Variants in RBP3 observed in about 807,000 individuals in gnomAD.
The protein encoded by RBP3 is retinol binding protein 3.
A neutral mutation model predicts 64.8 loss-of-function variants in RBP3; 50 were observed. That is an observed-to-expected ratio of 0.77 (90% CI 0.61 to 0.98). The LOEUF (loss-of-function observed/expected upper bound fraction) is 0.98. RBP3 is among the 50% of genes least tolerant of loss of function. RBP3 has a pLI of 0.00. For missense variants in RBP3, 1,712 were observed against 1,660.5 expected (o/e 1.03, Z -0.54); for synonymous variants, 828 against 730.2 (o/e 1.13, Z -2.16).
At position 47,349,231 on chromosome 10, in the gene RBP3, G is replaced by A. The variant is rs781856173; in HGVS notation, c.747G>A (p.Met249Ile). The A allele has an allele frequency of 6.2e-7, 1 of 1,613,462 alleles. No homozygotes were observed. ...AEDIAHILKQ[M>I]RRAIVVGERT... ...ACATCGCGCACATCCTTAAGCAGATGCGCAGGGCCATCGTGGTGGGCGAGC... is the reference window on the plus strand; with the variant it reads ...ACATCGCGCACATCCTTAAGCAGATACGCAGGGCCATCGTGGTGGGCGAGC... Residue 249 changes from methionine to isoleucine, a missense_variant, in exon 1 of 4, where the codon ATG becomes ATA. Transcript: ENST00000584701.
chr10:47,349,495 G>A lies in RBP3; in HGVS notation c.1011G>A (p.Leu337=), dbSNP rs1555211107. The A allele has an allele frequency of 1.2e-6, 2 of 1,612,850 alleles. No individual in the cohort carries two copies. The highest frequency in any genetic ancestry group is 3.3e-5 in the Admixed American group (2 of 60,012). The stretch of plus-strand genomic sequence containing the variant: ...TAGTCCACTGCCTCCAGGAGGTCCT[G>A]AAGGACTACTACACGCTGGTGGACC... ...PGVVHCLQEV[L]KDYYTLVDRV... Residue 337 remains leucine, a synonymous_variant, in exon 1 of 4, where the codon CTG becomes CTA. Coordinates refer to ENST00000584701, the MANE Select transcript of RBP3 (RefSeq NM_002900.3).
At chr10:47,356,484 T>G (rs1448310982) in intron 3 of RBP3, among the ~76,000 whole-genome samples, 1 of 152,218 alleles carries the variant, frequency 6.6e-6, no homozygotes, top group Non-Finnish European at 1.5e-5. Flanking sequence ...AAGTGTAATG[T>G]GCATACCAGA....
Position 47,351,189 on chromosome 10 carries a change from C to T in RBP3, c.2705C>T (p.Thr902Ile). The change falls in exon 1 of 4, where the codon ACC becomes ATC. Residue 902 changes from threonine (T) to isoleucine (I), a missense_variant. Physicochemically the swap from Thr to Ile is moderately conservative, Grantham distance 89 (BLOSUM62 -1). Transcript: ENST00000584701. ...CCCACCCAGATGGCCATGAGTGCCA[C>T]CACAGGCAAGGCCTGGGACCTGGCT... The part of the protein sequence containing the change: ...SMPTQMAMSA[T>I]TGKAWDLAGV... 1 of 1,613,240 alleles carries T rather than the reference C, an allele frequency of 6.2e-7. No homozygotes were observed. Among genetic ancestry groups the T allele is most frequent in the Non-Finnish European group, 8.5e-7 (1 of 1,180,036 alleles).
In RBP3 at chr10:47,349,300, C is replaced by G. The variant is rs148432607; in HGVS notation, c.816C>G (p.Gly272=). The G allele has an allele frequency of 1.6e-5, 25 of 1,612,854 alleles. 1 individual carries two copies. The highest frequency in any genetic ancestry group is 1.8e-5 in the Non-Finnish European group (21 of 1,179,974). ...GALDLRKLRI[G]ESDFFFTVPV... is the part of the protein sequence containing the mutation. ...TGGACCTCCGGAAGCTGAGGATAGG[C>G]GAGTCTGACTTCTTCTTCACGGTGC... The change falls in exon 1 of 4, where the codon GGC becomes GGG. Residue 272 remains glycine, a synonymous_variant. Coordinates refer to ENST00000584701, the MANE Select transcript of RBP3 (RefSeq NM_002900.3).
chr10:47,351,179 A>G lies in RBP3; in HGVS notation c.2695A>G (p.Met899Val). 2 of 1,613,212 alleles carry G rather than the reference A, an allele frequency of 1.2e-6. No individual in the cohort carries two copies. Among genetic ancestry groups the G allele is most frequent in the South Asian group, 1.1e-5 (1 of 91,080 alleles). Residue 899 changes from methionine to valine, a missense_variant, in exon 1 of 4, where the codon ATG becomes GTG. Transcript: ENST00000584701. Reference sequence around the variant, plus strand: ...TGCATCCATGCCCACCCAGATGGCCATGAGTGCCACCACAGGCAAGGCCTG... The same window carrying G: ...TGCATCCATGCCCACCCAGATGGCCGTGAGTGCCACCACAGGCAAGGCCTG... ...LYASMPTQMA[M>V]SATTGKAWDL...
Position 47,351,453 on chromosome 10 carries a change from AGAT to A in RBP3, c.2971_2973del (p.Met991del), listed in dbSNP as rs1565767178. On this transcript the variant is annotated inframe_deletion, in exon 1 of 4. Transcript: ENST00000584701. ...GCCGAGATCCTGGGGGCTGACCTGC[AGAT>A]GCTCTCCGGAGACCCACACCTGAAG... 2.5e-6 allele frequency: 4 copies of A among 1,613,724 alleles called. No individual in the cohort carries two copies. In the East Asian group the frequency reaches 8.9e-5, roughly 36 times the overall value.
At position 47,350,865 on chromosome 10, in the gene RBP3, C is replaced by T. The variant is rs782530735; in HGVS notation, c.2381C>T (p.Pro794Leu). The T allele has an allele frequency of 9.3e-6, 15 of 1,612,832 alleles. No individual in the cohort carries two copies. Among genetic ancestry groups the T allele is most frequent in the South Asian group, 5.5e-5 (5 of 91,044 alleles). Residue 794 changes from proline to leucine, a missense_variant, in exon 1 of 4, where the codon CCG (proline) becomes CTG (leucine). By Grantham distance (98) the Pro-to-Leu change is moderately conservative (BLOSUM62 -3). Transcript: ENST00000584701. ...YNPGSYSTAIPLLCSYFFEAE... is the reference protein window; with the variant it reads ...YNPGSYSTAILLLCSYFFEAE... ...CCTGGCAGCTACTCCACGGCCATCC[C>T]GCTGCTCTGCTCCTACTTCTTTGAG...
At chr10:47,352,002 G>T (rs1217452928) in intron 1 of RBP3, among the ~76,000 whole-genome samples, 4 of 151,910 alleles carry the variant, frequency 2.6e-5, no homozygotes, top group African/African-American at 9.7e-5. Context: ...CCCCACGCTG[G>T]CCGAGAGCTC....
rs545131365 is a variant in RBP3 at position 47,350,452 on chromosome 10, C to G, written c.1968C>G (p.Val656=). ...LLEAHYARPE[V]VGQTSALLRA... ...AGGCCCACTATGCTCGGCCAGAGGTCGTGGGGCAGACCAGTGCCCTCCTGC... is the reference window on the plus strand; with the variant it reads ...AGGCCCACTATGCTCGGCCAGAGGTGGTGGGGCAGACCAGTGCCCTCCTGC... The change falls in exon 1 of 4, where the codon GTC becomes GTG. Residue 656 remains valine, a synonymous_variant. Transcript: ENST00000584701. The G allele has an allele frequency of 6.2e-7, 1 of 1,612,324 alleles. No individual in the cohort carries two copies. Among genetic ancestry groups the G allele is most frequent in the East Asian group, 2.2e-5 (1 of 44,862 alleles).
rs199953057 is a variant in RBP3, at chr10:47,350,724, G to A, written c.2240G>A (p.Arg747His). ...CTGCCCGGCCAGCTGGGCTACCTGC[G>A]TTTTGACGCCATGGCTGAACTGGAG... is the stretch of plus-strand genomic sequence containing the variant. Reference protein sequence around the residue: ...EVLPGQLGYLRFDAMAELETV... With the variant: ...EVLPGQLGYLHFDAMAELETV... The change falls in exon 1 of 4, where the codon CGT (arginine) becomes CAT (histidine). Residue 747 changes from arginine (R) to histidine (H), a missense_variant. Coordinates refer to ENST00000584701, the MANE Select transcript of RBP3 (RefSeq NM_002900.3). 1.1e-4 allele frequency: 181 copies of A among 1,613,214 alleles called. 5 individuals carry two copies. The South Asian group carries it at 1.5e-3, about 14-fold the overall frequency.
At chr10:47,353,663 C>A (rs1014830153) in intron 2 of RBP3, 148 bp downstream of exon 2, 3 of 908,670 alleles carry the variant, frequency 3.3e-6, no homozygotes, top group Non-Finnish European at 5.1e-6. Flanking sequence ...ATCAGGGCTT[C>A]GGCCAGCTAG....
chr10:47,351,386 C>G lies in RBP3; in HGVS notation c.2902C>G (p.Leu968Val). 1.2e-6 allele frequency: 2 copies of G among 1,613,578 alleles called. No individual in the cohort carries two copies. Among genetic ancestry groups the G allele is most frequent in the Non-Finnish European group, 1.7e-6 (2 of 1,180,036 alleles). ...GAKMATKLSG[L>V]QSRYSRVTSE... ...CAAGATGGCCACCAAACTGAGCGGT[C>G]TGCAGAGCCGCTACTCCAGGGTGAC... Residue 968 changes from leucine (L) to valine (V), a missense_variant, in exon 1 of 4, where the codon CTG becomes GTG. Physicochemically the swap from Leu to Val is conservative, Grantham distance 32. Transcript: ENST00000584701.
Position 47,348,850 on chromosome 10 carries a change from C to T in RBP3, c.366C>T (p.Arg122=), listed in dbSNP as rs2132252433. The change falls in exon 1 of 4, where the codon CGC becomes CGT. Residue 122 remains arginine (R), a synonymous_variant. Coordinates refer to ENST00000584701, the MANE Select transcript of RBP3 (RefSeq NM_002900.3). ...TTGCCTGGCTGCAAAGGGGCCTCCG[C>T]CATGAGGTTCTGGAGGGTAATGTGG... ...ELLAWLQRGL[R]HEVLEGNVGY... is the part of the protein sequence containing the mutation. 6.2e-7 allele frequency: 1 copy of T among 1,613,884 alleles called. No homozygotes were observed. The highest frequency in any genetic ancestry group is 8.5e-7 in the Non-Finnish European group (1 of 1,180,030).
Position 47,350,995 on chromosome 10 carries a change from CAA to C in RBP3, c.2512_2513del (p.Lys838GlyfsTer112). 1 of 1,611,374 alleles carries C rather than the reference CAA, an allele frequency of 6.2e-7. No individual in the cohort carries two copies. Among genetic ancestry groups the C allele is most frequent in the Non-Finnish European group, 8.5e-7 (1 of 1,179,936 alleles). ...TCGCCGGCCAGCGCTACGGCTCACA[CAA>C]GGACCTCTACATCCTGATGAGCCAC... is the stretch of plus-strand genomic sequence containing the variant. ...QVAGQRYGSHKDLYILMSHTS... is the reference protein window; with the variant it reads ...QVAGQRYGSHXDLYILMSHTS... On this transcript the variant is annotated frameshift_variant, in exon 1 of 4. Transcript: ENST00000584701. LOFTEE classifies it high-confidence loss of function.
At position 47,352,030 on chromosome 10, in the gene RBP3, C is replaced by T. The variant is rs188993912; in HGVS notation, c.3054+492C>T. Among the ~76,000 whole-genome samples, 189 of 152,344 alleles carry T rather than the reference C, an allele frequency of 1.2e-3. 1 individual carries two copies. The highest frequency in any genetic ancestry group is 4.4e-3 in the African/African-American group (183 of 41,588). The stretch of plus-strand genomic sequence containing the variant: ...GAGAGCTCCACCTAGGCAGCACTCA[C>T]ACCTCCACACTGTTCTACCTGTGGT... On this transcript the variant is annotated intron_variant, in intron 1 of 3. Transcript: ENST00000584701.
chr10:47,349,523 G>T lies in RBP3; in HGVS notation c.1039G>T (p.Val347Leu), dbSNP rs1836918853. The T allele has an allele frequency of 6.2e-7, 1 of 1,613,018 alleles. No individual in the cohort carries two copies. Among genetic ancestry groups the T allele is most frequent in the Non-Finnish European group, 8.5e-7 (1 of 1,180,016 alleles). The change falls in exon 1 of 4, where the codon GTG becomes TTG. Residue 347 changes from valine (V) to leucine (L), a missense_variant. Physicochemically the swap from Val to Leu is conservative, Grantham distance 32. Coordinates refer to ENST00000584701, the MANE Select transcript of RBP3 (RefSeq NM_002900.3). ...LKDYYTLVDR[V>L]PTLLQHLASM... is the part of the protein sequence containing the mutation. ...GGACTACTACACGCTGGTGGACCGT[G>T]TGCCCACCCTGCTGCAGCACTTGGC...
Position 47,348,799 on chromosome 10 carries a change from C to T in RBP3, c.315C>T (p.Leu105=), listed in dbSNP as rs1201568640. Residue 105 remains leucine, a synonymous_variant, in exon 1 of 4, where the codon CTC becomes CTT. Coordinates refer to ENST00000584701, the MANE Select transcript of RBP3 (RefSeq NM_002900.3). ...AGCCTCCCCCACAAGTCCCAGCACT[C>T]ACCAGCCTCTCAGAAGAGGAACTGC... The part of the protein sequence containing the change: ...TPEPPPQVPA[L]TSLSEEELLA... 3 of 1,613,632 alleles carry T rather than the reference C, an allele frequency of 1.9e-6. No homozygotes were observed. The African/African-American group carries it at 4.0e-5, about 22-fold the overall frequency.
In RBP3 at chr10:47,348,867, G is replaced by A; in HGVS notation, c.383G>A (p.Gly128Asp). 1.2e-6 allele frequency: 2 copies of A among 1,613,940 alleles called. No homozygotes were observed. The highest frequency in any genetic ancestry group is 1.7e-6 in the Non-Finnish European group (2 of 1,180,038). Reference sequence around the variant, plus strand: ...GGCCTCCGCCATGAGGTTCTGGAGGGTAATGTGGGCTACCTGCGGGTGGAC... The same window carrying A: ...GGCCTCCGCCATGAGGTTCTGGAGGATAATGTGGGCTACCTGCGGGTGGAC... ...QRGLRHEVLEGNVGYLRVDSV... is the reference protein window; with the variant it reads ...QRGLRHEVLEDNVGYLRVDSV... Residue 128 changes from glycine (G) to aspartate (D), a missense_variant, in exon 1 of 4, where the codon GGT becomes GAT. Coordinates refer to ENST00000584701, the MANE Select transcript of RBP3 (RefSeq NM_002900.3).
In RBP3 at chr10:47,349,765, C is replaced by T; in HGVS notation, c.1281C>T (p.Asp427=). The T allele has an allele frequency of 6.2e-7, 1 of 1,613,094 alleles. No individual in the cohort carries two copies. The part of the protein sequence containing the change: ...EDEAIRQALV[D]SVFQVSVLPG... Reference sequence around the variant, plus strand: ...AGGCTATCCGGCAAGCACTGGTGGACTCTGTGTTCCAGGTGTCGGTGCTGC... The same window carrying T: ...AGGCTATCCGGCAAGCACTGGTGGATTCTGTGTTCCAGGTGTCGGTGCTGC... Residue 427 remains aspartate, a synonymous_variant, in exon 1 of 4, where the codon GAC becomes GAT. Transcript: ENST00000584701.
Sources: gnomAD v4.1 joint callset for allele counts (sites outside exome capture counted in the v4.1 genomes callset) on GRCh38, gnomAD v4.1.1 for gene constraint, MANE v1.5 for transcripts, NCBI Gene and HGNC (gene_info 2026-07-23, HGNC 2026-07-21) for gene names.